The following PRMT8 variants were observed in gnomAD, a reference collection of about 807,000 sequenced individuals.
PRMT8 encodes protein arginine N-methyltransferase 8.
Under a neutral mutation model 47.1 loss-of-function variants are expected in PRMT8, and 7 were observed. The observed-to-expected ratio is 0.15, with a 90% confidence interval of 0.08 to 0.28. The LOEUF (loss-of-function observed/expected upper bound fraction) is 0.28. Among genes scored for constraint, PRMT8 ranks in the 10% least tolerant of loss-of-function variants. PRMT8 has a pLI of 1.00. For missense variants in PRMT8, 237 were observed against 505.4 expected (o/e 0.47, Z 5.09); for synonymous variants, 188 against 186.5 (o/e 1.01, Z -0.07).
chr12:3,461,759 A>G (rs529807214), intron 1 of PRMT8, among the ~76,000 whole-genome samples: 3 of 152,226 alleles, frequency 2.0e-5, no homozygotes, highest in Non-Finnish European at 4.4e-5. Flanking sequence ...AGAGGCTGAG[A>G]CACAAAGTAT....
chr12:3,568,221 T>G (rs1171810673), intron 4 of PRMT8, among the ~76,000 whole-genome samples: 1 of 151,944 alleles, frequency 6.6e-6, no homozygotes, highest in Non-Finnish European at 1.5e-5. Flanking sequence ...TGGATCAGCA[T>G]GAAGGTCTCT....
At chr12:3,517,723 A>C (rs527301096) in intron 1 of PRMT8, among the ~76,000 whole-genome samples, 1 of 152,262 alleles carries the variant, frequency 6.6e-6, no homozygotes, top group South Asian at 2.1e-4. Context: ...CCTAGGGAAC[A>C]AGGGAAAGAG....
intron 1 of PRMT8, among the ~76,000 whole-genome samples, chr12:3,530,166 T>G (rs1866007401): frequency 6.6e-6 from 1 of 152,142 alleles, no homozygotes; most frequent in Non-Finnish European, 1.5e-5. Flanking sequence ...TTATTCCCAA[T>G]TTTGCTTTTC....
At chr12:3,565,257 C>T (rs1399132673) in intron 4 of PRMT8, among the ~76,000 whole-genome samples, 1 of 152,088 alleles carries the variant, frequency 6.6e-6, no homozygotes, top group Non-Finnish European at 1.5e-5. Flanking sequence ...ATTCAACCTC[C>T]CTTCTTTTTT....
intron 1 of PRMT8, among the ~76,000 whole-genome samples, chr12:3,441,934 A>C (rs1864807755): frequency 6.6e-6 from 1 of 152,222 alleles, no homozygotes; most frequent in African/African-American, 2.4e-5. Flanking sequence ...AAAAACAGCA[A>C]CTGTGGAAAT....
intron 1 of PRMT8, among the ~76,000 whole-genome samples, chr12:3,413,762 GA>G (rs1003499911): frequency 2.7e-5 from 4 of 149,682 alleles, no homozygotes; most frequent in African/African-American, 9.9e-5. Flanking sequence ...GTATTCGGGG[GA>G]AAAAAAACCA....
At chr12:3,585,301 G>A (rs758637) in intron 8 of PRMT8, among the ~76,000 whole-genome samples, 53,392 of 148,702 alleles carry the variant, frequency 0.36, 9,728 homozygotes, top group Admixed American at 0.45. Flanking sequence ...ACCAGAAATC[G>A]AGGACATGAT....
chr12:3,426,325 G>A (rs1314888484), intron 1 of PRMT8, among the ~76,000 whole-genome samples: 2 of 152,222 alleles, frequency 1.3e-5, no homozygotes, highest in Admixed American at 1.3e-4. Flanking sequence ...TAACTTCTAT[G>A]ATCCTCTAGT....
chr12:3,392,673 C>T (rs1014618374), intron 1 of PRMT8, among the ~76,000 whole-genome samples: 68 of 152,032 alleles, frequency 4.5e-4, no homozygotes, highest in African/African-American at 1.5e-3. Flanking sequence ...AATAAACATA[C>T]GTGTGCATGT....
At chr12:3,387,136 G>A (rs961370721) in intron 1 of PRMT8, among the ~76,000 whole-genome samples, 1 of 152,184 alleles carries the variant, frequency 6.6e-6, no homozygotes. Context: ...GAAAGCATGC[G>A]GTCAATGTAT....
In PRMT8 at chr12:3,552,978, G is replaced by A. The variant is rs1591598898; in HGVS notation, c.418-673G>A. On this transcript the variant is annotated intron_variant, in intron 3 of 9. Transcript: ENST00000382622. The surrounding 1 kb of genome is among the most constrained non-coding windows in gnomAD (Gnocchi z 4.5). Reference sequence around the variant, plus strand: ...GACGCTAACCCTGGGCTGGAGCTTGGCTTCCAACCATTCCCATGAGGGCCT... The same window carrying A: ...GACGCTAACCCTGGGCTGGAGCTTGACTTCCAACCATTCCCATGAGGGCCT... The A allele has an allele frequency of 6.2e-6, 2 of 322,432 alleles. No individual in the cohort carries two copies. The highest frequency in any genetic ancestry group is 1.6e-4 in the East Asian group (2 of 12,210). The allele number at this position is 322,432 out of a possible 1,614,324, so 20.0% of individuals were successfully genotyped here. A position where few individuals can be genotyped will look rare whatever the true frequency, so the allele number is the denominator to read the frequency against.
rs1565422245 is a variant in PRMT8 at position 3,493,314 on chromosome 12, C to T, written c.75+1614C>T. On this transcript the variant is annotated intron_variant, in intron 1 of 9. Transcript: ENST00000382622. This position sits in a 1 kb window ranked among gnomAD's most constrained non-coding sequence, Gnocchi z 8.2. ...AAAGCCATCCTTACCATTCCCCTCACCCTCCGCCCTCTGATCGCCCACCCG... is the reference window on the plus strand; with the variant it reads ...AAAGCCATCCTTACCATTCCCCTCATCCTCCGCCCTCTGATCGCCCACCCG... Among the ~76,000 whole-genome samples the T allele has an allele frequency of 6.6e-6, 1 of 152,164 alleles. No individual in the cohort carries two copies. Among genetic ancestry groups the T allele is most frequent in the African/African-American group, 2.4e-5 (1 of 41,444 alleles).
intron 1 of PRMT8, among the ~76,000 whole-genome samples, chr12:3,383,738 A>G (rs1864113884): frequency 6.6e-6 from 1 of 152,188 alleles, no homozygotes; most frequent in Non-Finnish European, 1.5e-5. Flanking sequence ...TACCCGCTCT[A>G]GGGCATTTTG....
chr12:3,593,072 A>G lies in PRMT8; in HGVS notation c.1102-27A>G. ...GGCTTCATACCCAGACGGCCGCCTG[A>G]CCCTTCGCTCTCTCTCTGCCTTGCA... On this transcript the variant is annotated intron_variant, in intron 9 of 9. Coordinates refer to ENST00000382622, the MANE Select transcript of PRMT8 (RefSeq NM_019854.5). This position sits in a 1 kb window ranked among gnomAD's most constrained non-coding sequence, Gnocchi z 4.8. The G allele has an allele frequency of 6.2e-7, 1 of 1,603,114 alleles. No homozygotes were observed. The highest frequency in any genetic ancestry group is 8.5e-7 in the Non-Finnish European group (1 of 1,170,446).
Position 3,447,196 on chromosome 12 carries a change from C to G in PRMT8, c.48+65754C>G, listed in dbSNP as rs185783210. 5.9e-5 allele frequency among the ~76,000 whole-genome samples: 9 copies of G among 152,312 alleles called. No individual in the cohort carries two copies. In the East Asian group the frequency reaches 1.7e-3, roughly 29 times the overall value. On this transcript the variant is annotated intron_variant, in intron 1 of 9. Transcript: ENST00000452611. ...TTCCCTTTTTATCGAGATTCAAGAG[C>G]AGAGTCTCATTTTGCTTTCCAAAAC... is the stretch of plus-strand genomic sequence containing the variant.
chr12:3,518,409 TAA>T (rs1555088238), intron 1 of PRMT8, among the ~76,000 whole-genome samples: 3 of 148,870 alleles, frequency 2.0e-5, no homozygotes, highest in Non-Finnish European at 3.0e-5. Flanking sequence ...TTTTTTTTTT[TAA>T]AAAAAAGGCC....
chr12:3,558,988 A>G (rs896869277), intron 4 of PRMT8, among the ~76,000 whole-genome samples: 17 of 150,902 alleles, frequency 1.1e-4, no homozygotes, highest in South Asian at 2.1e-4. Context: ...CTATCTATCT[A>G]TCTGTCTATC....
chr12:3,568,930 A>G, intron 5 of PRMT8, 82 bp downstream of exon 5: 2 of 1,570,412 alleles, frequency 1.3e-6, no homozygotes, highest in Non-Finnish European at 1.7e-6. Context: ...TAGGAGGCAT[A>G]CGAAGACTTC....
At chr12:3,383,923 A>C (rs992145471) in intron 1 of PRMT8, among the ~76,000 whole-genome samples, 7 of 152,114 alleles carry the variant, frequency 4.6e-5, no homozygotes, top group African/African-American at 1.7e-4. Context: ...TTTATTTTGT[A>C]TCCTGCAACA....
Sources: allele counts gnomAD v4.1 joint callset (sites outside exome capture counted in the v4.1 genomes callset), GRCh38; gene constraint gnomAD v4.1.1; non-coding constraint Gnocchi (gnomAD v3.1); transcripts MANE v1.5; gene names NCBI Gene and HGNC (gene_info 2026-07-23, HGNC 2026-07-21).